TSSK3: variants seen among roughly 807,000 people sequenced by gnomAD.
The protein encoded by TSSK3 is testis specific serine kinase 3.
In TSSK3, 16 loss-of-function variants were observed where a neutral mutation model predicts 18.9. That is an observed-to-expected ratio of 0.85 (90% CI 0.57 to 1.28). TSSK3 has a LOEUF of 1.28. TSSK3 is among the 50% of genes most tolerant of loss of function. The pLI is 0.00. For synonymous variants in TSSK3, 146 were observed against 133.9 expected, an observed-to-expected ratio of 1.09 and a Z score of -0.62; for missense variants, 345 against 341.0, an observed-to-expected ratio of 1.01 and a Z score of -0.09.
rs1479627390 is a variant in TSSK3 at position 32,362,657 on chromosome 1, G to A, written c.-45G>A. 1.2e-6 allele frequency: 2 copies of A among 1,607,812 alleles called. No homozygotes were observed. The highest frequency in any genetic ancestry group is 1.1e-5 in the South Asian group (1 of 90,856). ...TGGTGGAGTAGAGCTGCCTCTCAGAGGCAGCATGAGCTGAGAGGGTGATAG... is the reference window on the plus strand; with the variant it reads ...TGGTGGAGTAGAGCTGCCTCTCAGAAGCAGCATGAGCTGAGAGGGTGATAG... On this transcript the variant is annotated 5_prime_UTR_variant, in exon 1 of 2. Transcript: ENST00000373534.
intron 1 of TSSK3, chr1:32,363,063 C>A: frequency 1.8e-6 from 1 of 562,672 alleles, no homozygotes; most frequent in South Asian, 2.1e-5. Flanking sequence ...ATGAAAGTGG[C>A]ATGAGGTGAA....
Position 32,362,813 on chromosome 1 carries a change from A to T in TSSK3, c.112A>T (p.Ile38Phe). 1 of 1,614,224 alleles carries T rather than the reference A, an allele frequency of 6.2e-7. No individual in the cohort carries two copies. The highest frequency in any genetic ancestry group is 1.6e-4 in the Middle Eastern group (1 of 6,062). Residue 38 changes from isoleucine to phenylalanine, a missense_variant, in exon 1 of 2, where the codon ATT becomes TTT. Physicochemically the swap from Ile to Phe is conservative, Grantham distance 21. Transcript: ENST00000373534. ...CAAAAAACACCAAAGAAAAGTGGCA[A>T]TTAAAGTTATAGACAAGATGGGAGG... ...FSKKHQRKVAIKVIDKMGGPE... is the reference protein window; with the variant it reads ...FSKKHQRKVAFKVIDKMGGPE...
rs1641762896 is a variant in TSSK3, at chr1:32,363,965, T to C, written c.516T>C (p.Ser172=). ...AGCTGAGCCAGACCTTCTGCGGCAG[T>C]ACAGCCTATGCTGCCCCCGAGGTGC... ...HRELSQTFCG[S]TAYAAPEVLQ... Residue 172 remains serine (S), a synonymous_variant, in exon 2 of 2, where the codon AGT becomes AGC. Coordinates refer to ENST00000373534, the MANE Select transcript of TSSK3 (RefSeq NM_052841.4). 2 of 1,614,264 alleles carry C rather than the reference T, an allele frequency of 1.2e-6. No homozygotes were observed. The highest frequency in any genetic ancestry group is 1.7e-6 in the Non-Finnish European group (2 of 1,180,050).
Position 32,362,676 on chromosome 1 carries a change from G to T in TSSK3, c.-26G>T. The T allele has an allele frequency of 6.2e-7, 1 of 1,613,646 alleles. No homozygotes were observed. Among genetic ancestry groups the T allele is most frequent in the Non-Finnish European group, 8.5e-7 (1 of 1,179,724 alleles). On this transcript the variant is annotated 5_prime_UTR_variant, in exon 1 of 2. Transcript: ENST00000373534. ...CTCAGAGGCAGCATGAGCTGAGAGG[G>T]TGATAGGAAGGCGGCGCTAGACAGC...
chr1:32,363,390 T>G (rs1379654742), intron 1 of TSSK3: 4 of 591,030 alleles, frequency 6.8e-6, no homozygotes, highest in Non-Finnish European at 8.9e-6. Flanking sequence ...GGGGAGTGCT[T>G]CTTTTGAATG....
chr1:32,362,683 G>C lies in TSSK3; in HGVS notation c.-19G>C. On this transcript the variant is annotated 5_prime_UTR_variant, in exon 1 of 2. Transcript: ENST00000373534. The stretch of plus-strand genomic sequence containing the variant: ...GCAGCATGAGCTGAGAGGGTGATAG[G>C]AAGGCGGCGCTAGACAGCATGGAGG... 1 of 1,613,792 alleles carries C rather than the reference G, an allele frequency of 6.2e-7. No homozygotes were observed. Among genetic ancestry groups the C allele is most frequent in the South Asian group, 1.1e-5 (1 of 91,066 alleles).
chr1:32,363,747 G>A lies in TSSK3; in HGVS notation c.298G>A (p.Val100Met), dbSNP rs376401331. 35 of 1,614,132 alleles carry A rather than the reference G, an allele frequency of 2.2e-5. No individual in the cohort carries two copies. The highest frequency in any genetic ancestry group is 1.9e-4 in the African/African-American group (14 of 74,960). The change falls in exon 2 of 2, where the codon GTG becomes ATG. Residue 100 changes from valine to methionine, a missense_variant. Val to Met is a conservative substitution (Grantham distance 21). Coordinates refer to ENST00000373534, the MANE Select transcript of TSSK3 (RefSeq NM_052841.4). ...TGAGGGAGGGGATGTCTTTGACTGC[G>A]TGCTGAATGGGGGGCCACTGCCTGA... ...LAEGGDVFDC[V>M]LNGGPLPESR...
intron 1 of TSSK3, 21 bp from the exon 2 acceptor site, chr1:32,363,574 C>T (rs765780358): frequency 8.2e-6 from 13 of 1,594,370 alleles, no homozygotes; most frequent in Non-Finnish European, 1.1e-5. Context: ...CAGCCCATCT[C>T]TCCTCCCCTT....
In TSSK3 at chr1:32,364,115, G is replaced by A. The variant is rs773869596; in HGVS notation, c.666G>A (p.Gln222=). 1.2e-6 allele frequency: 2 copies of A among 1,614,130 alleles called. No homozygotes were observed. The highest frequency in any genetic ancestry group is 4.5e-5 in the East Asian group (2 of 44,900). ...ACATCCCCAAGATGCTGTGGCAGCA[G>A]CAGAAGGGGGTGTCCTTCCCCACTC... The part of the protein sequence containing the change: ...DTDIPKMLWQ[Q]QKGVSFPTHL... Residue 222 remains glutamine (Q), a synonymous_variant, in exon 2 of 2, where the codon CAG becomes CAA. Transcript: ENST00000373534.
chr1:32,364,175 C>G lies in TSSK3; in HGVS notation c.726C>G (p.Leu242=). 1 of 1,614,006 alleles carries G rather than the reference C, an allele frequency of 6.2e-7. No homozygotes were observed. The highest frequency in any genetic ancestry group is 2.2e-5 in the East Asian group (1 of 44,866). ...TCTCGGCCGATTGCCAGGACCTGCT[C>G]AAGAGGCTCCTGGAACCCGATATGA... is the stretch of plus-strand genomic sequence containing the variant. ...LSISADCQDL[L]KRLLEPDMIL... The change falls in exon 2 of 2, where the codon CTC becomes CTG. Residue 242 remains leucine (L), a synonymous_variant. Transcript: ENST00000373534.
rs554990065 is a variant in TSSK3, at chr1:32,362,578, TG to T, written c.-119del. ...GTCCAGACAGAGAATGTTCTAACGC[TG>T]GGGGCGGCTGCGGATGAAGTCCTTG... On this transcript the variant is annotated 5_prime_UTR_variant, in exon 1 of 2. Coordinates refer to ENST00000373534, the MANE Select transcript of TSSK3 (RefSeq NM_052841.4). 1,063 of 1,156,110 alleles carry T rather than the reference TG, an allele frequency of 9.2e-4. 4 individuals carry two copies. The African/African-American group carries it at 0.015, about 16-fold the overall frequency. 71.6% of individuals were successfully genotyped at this position (1,156,110 alleles called of 1,614,324 possible).
intron 1 of TSSK3, 177 bp from the exon 2 acceptor site, chr1:32,363,418 A>ATAAT (rs2148097328): frequency 1.6e-6 from 1 of 643,572 alleles, no homozygotes; most frequent in East Asian, 2.8e-5. Context: ...AACGACAAAA[A>ATAAT]TAATAGAAGT....
Position 32,364,279 on chromosome 1 carries a change from C to A in TSSK3, c.*23C>A. On this transcript the variant is annotated 3_prime_UTR_variant, in exon 2 of 2. Coordinates refer to ENST00000373534, the MANE Select transcript of TSSK3 (RefSeq NM_052841.4). ...TGATAAAAGCAATGGCAAGTGCTCT[C>A]CAATAAAGTAGGGGGAGAAAGCAAA... The A allele has an allele frequency of 6.4e-7, 1 of 1,559,106 alleles. No homozygotes were observed. The highest frequency in any genetic ancestry group is 1.2e-5 in the South Asian group (1 of 84,920).
rs758007232 is a variant in TSSK3, at chr1:32,363,943, T to C, written c.494T>C (p.Leu165Pro). The C allele has an allele frequency of 9.3e-6, 15 of 1,614,256 alleles. No homozygotes were observed. In the South Asian group the frequency reaches 1.5e-4, roughly 17 times the overall value. The change falls in exon 2 of 2, where the codon CTG becomes CCG. Residue 165 changes from leucine to proline, a missense_variant. Transcript: ENST00000373534. ...GTGTTGCCCAAGTCACACCGGGAGC[T>C]GAGCCAGACCTTCTGCGGCAGTACA... is the stretch of plus-strand genomic sequence containing the variant. ...AKVLPKSHRE[L>P]SQTFCGSTAY...
Position 32,362,691 on chromosome 1 carries a change from C to T in TSSK3, c.-11C>T, listed in dbSNP as rs147205376. On this transcript the variant is annotated 5_prime_UTR_variant, in exon 1 of 2. Coordinates refer to ENST00000373534, the MANE Select transcript of TSSK3 (RefSeq NM_052841.4). The stretch of plus-strand genomic sequence containing the variant: ...AGCTGAGAGGGTGATAGGAAGGCGG[C>T]GCTAGACAGCATGGAGGACTTTCTG... 582 of 1,614,032 alleles carry T rather than the reference C, an allele frequency of 3.6e-4. 2 individuals are homozygous for T. The African/African-American group carries it at 7.2e-3, about 20-fold the overall frequency.
rs1035565697 is a variant in TSSK3, at chr1:32,363,044, G to C, written c.145+198G>C. 1.5e-5 allele frequency: 9 copies of C among 602,386 alleles called. No homozygotes were observed. In the Admixed American group the frequency reaches 2.3e-4, roughly 16 times the overall value. The allele number at this position is 602,386 out of a possible 1,614,324, so 37.3% of individuals were successfully genotyped here. A position where few individuals can be genotyped will look rare whatever the true frequency, so the allele number is the denominator to read the frequency against. ...AGTCCAGGAACATTACACCCCCCCA[G>C]AATGCAAGATGAAAGTGGCATGAGG... On this transcript the variant is annotated intron_variant, in intron 1 of 1. Transcript: ENST00000373534.
Position 32,363,851 on chromosome 1 carries a change from C to T in TSSK3, c.402C>T (p.Asp134=), listed in dbSNP as rs1641759733. The change falls in exon 2 of 2, where the codon GAC becomes GAT. Residue 134 remains aspartate, a synonymous_variant. Coordinates refer to ENST00000373534, the MANE Select transcript of TSSK3 (RefSeq NM_052841.4). ...ATGGCTGTGGTGTGGCCCACCGGGA[C>T]CTCAAATGTGAGAACGCCTTGTTGC... The part of the protein sequence containing the change: ...YCHGCGVAHR[D]LKCENALLQG... 6.2e-7 allele frequency: 1 copy of T among 1,614,064 alleles called. No homozygotes were observed. Among genetic ancestry groups the T allele is most frequent in the East Asian group, 2.2e-5 (1 of 44,906 alleles).
chr1:32,363,960 G>C lies in TSSK3; in HGVS notation c.511G>C (p.Gly171Arg), dbSNP rs748163709. Residue 171 changes from glycine (G) to arginine (R), a missense_variant, in exon 2 of 2, where the codon GGC becomes CGC. Gly to Arg is a moderately radical substitution (Grantham distance 125, BLOSUM62 -2). Coordinates refer to ENST00000373534, the MANE Select transcript of TSSK3 (RefSeq NM_052841.4). ...CCGGGAGCTGAGCCAGACCTTCTGC[G>C]GCAGTACAGCCTATGCTGCCCCCGA... ...SHRELSQTFC[G>R]STAYAAPEVL... 1 of 1,614,242 alleles carries C rather than the reference G, an allele frequency of 6.2e-7. No individual in the cohort carries two copies. Among genetic ancestry groups the C allele is most frequent in the Non-Finnish European group, 8.5e-7 (1 of 1,180,048 alleles).
rs776358672 is a variant in TSSK3 at position 32,364,294 on chromosome 1, G to A, written c.*38G>A. ...CAAGTGCTCTCCAATAAAGTAGGGGGAGAAAGCAAACCCAAAAACCCGCTT... is the reference window on the plus strand; with the variant it reads ...CAAGTGCTCTCCAATAAAGTAGGGGAAGAAAGCAAACCCAAAAACCCGCTT... On this transcript the variant is annotated 3_prime_UTR_variant, in exon 2 of 2. Coordinates refer to ENST00000373534, the MANE Select transcript of TSSK3 (RefSeq NM_052841.4). 6.5e-7 allele frequency: 1 copy of A among 1,532,372 alleles called. No individual in the cohort carries two copies. Among genetic ancestry groups the A allele is most frequent in the Non-Finnish European group, 8.8e-7 (1 of 1,142,420 alleles). The allele number at this position is 1,532,372 out of a possible 1,614,324, so 94.9% of individuals were successfully genotyped here. A position where few individuals can be genotyped will look rare whatever the true frequency, so the allele number is the denominator to read the frequency against.
Sources: gnomAD v4.1 joint callset for allele counts on GRCh38, gnomAD v4.1.1 for gene constraint, MANE v1.5 for transcripts, NCBI Gene and HGNC (gene_info 2026-07-23, HGNC 2026-07-21) for gene names.